TMPRSS11B: variants seen among roughly 807,000 people sequenced by gnomAD.
The protein encoded by TMPRSS11B is transmembrane serine protease 11B, also known as transmembrane protease serine 11B.
In TMPRSS11B, 53 loss-of-function variants were observed where a neutral mutation model predicts 44.7. The ratio of observed to expected loss-of-function variants is 1.19; its 90% CI spans 0.95 to 1.49. TMPRSS11B has a LOEUF of 1.49. Ranked by LOEUF, TMPRSS11B falls within the 40% of genes most tolerant of loss-of-function variation. TMPRSS11B has a pLI of 0.00. For synonymous variants in TMPRSS11B, 140 were observed against 159.2 expected, an observed-to-expected ratio of 0.88 and a Z score of 0.91; for missense variants, 526 against 494.8, an observed-to-expected ratio of 1.06 and a Z score of -0.60.
At chr4:68,237,753 T>C (rs1240070534) in intron 2 of TMPRSS11B, among the ~76,000 whole-genome samples, 2 of 152,188 alleles carry the variant, frequency 1.3e-5, no homozygotes, top group Non-Finnish European at 2.9e-5. Context: ...CAGTGGATTA[T>C]GCCTATAGTC....
Position 68,226,753 on chromosome 4 carries a change from C to A in TMPRSS11B, c.*1158G>T, listed in dbSNP as rs1719362698. On this transcript the variant is annotated 3_prime_UTR_variant, in exon 10 of 10. Transcript: ENST00000332644. Reference sequence around the variant, plus strand: ...TAAGGTAAATTATTTGTAGAGATTACAAAGTTAGCCATCCATATGATTGCA... The same window carrying A: ...TAAGGTAAATTATTTGTAGAGATTAAAAAGTTAGCCATCCATATGATTGCA... 1 of 152,174 alleles carries A rather than the reference C, an allele frequency of 6.6e-6. No individual in the cohort carries two copies. The highest frequency in any genetic ancestry group is 2.1e-4 in the South Asian group (1 of 4,828). The allele number at this position is 152,174 out of a possible 1,614,324, so 9.4% of individuals were successfully genotyped here.
rs1719653655 is a variant in TMPRSS11B at position 68,236,023 on chromosome 4, T to C, written c.287A>G (p.Lys96Arg). 6.3e-7 allele frequency: 1 copy of C among 1,581,864 alleles called. No homozygotes were observed. Among genetic ancestry groups the C allele is most frequent in the Non-Finnish European group, 8.6e-7 (1 of 1,166,704 alleles). Residue 96 changes from lysine (K) to arginine (R), a missense_variant, in exon 4 of 10, where the codon AAA (lysine) becomes AGA (arginine). Transcript: ENST00000332644. ...QNSSIYKEYV[K>R]SEVIKLLPNA... ...TTACAGAAGTTTGATGACCTCAGAT[T>C]TGACATATTCCTTATATATACTGGA...
At chr4:68,233,742 G>A (rs1719583712) in intron 5 of TMPRSS11B, among the ~76,000 whole-genome samples, 1 of 152,006 alleles carries the variant, frequency 6.6e-6, no homozygotes, top group South Asian at 2.1e-4. Context: ...TATTACTCCA[G>A]TTTTTTCACA....
rs763713605 is a variant in TMPRSS11B at position 68,227,958 on chromosome 4, G to A, written c.1204C>T (p.Arg402Ter). The A allele has an allele frequency of 2.1e-5, 34 of 1,612,972 alleles. 2 individuals carry two copies. The South Asian group carries it at 2.6e-4, about 13-fold the overall frequency. Residue 402 changes from arginine to a stop codon, truncating the protein, a stop_gained, in exon 10 of 10, where the codon CGA becomes TGA. Coordinates refer to ENST00000332644, the MANE Select transcript of TMPRSS11B (RefSeq NM_182502.3). LOFTEE classifies it high-confidence loss of function. ...GKKNKPGVYT[R>*]VTSYRNWITS... ...ATCCAATTGCGATAAGAAGTCACTC[G>A]AGTATAGACACCTGGCTTATTCTTT...
At position 68,228,780 on chromosome 4, in the gene TMPRSS11B, A is replaced by G. The variant is rs1719424392; in HGVS notation, c.1051T>C (p.Cys351Arg). 2 of 1,613,834 alleles carry G rather than the reference A, an allele frequency of 1.2e-6. No individual in the cohort carries two copies. The highest frequency in any genetic ancestry group is 1.7e-5 in the Admixed American group (1 of 59,978). The change falls in exon 9 of 10, where the codon TGT becomes CGT. Residue 351 changes from cysteine (C) to arginine (R), a missense_variant. By Grantham distance (180) the Cys-to-Arg change is radical. Coordinates refer to ENST00000332644, the MANE Select transcript of TMPRSS11B (RefSeq NM_182502.3). ...GCTTCTCCTGACATAAATCCAGCAC[A>G]TAACATTGTATCAGTCACAAAGCCA... ...YSGFVTDTML[C>R]AGFMSGEADA...
chr4:68,245,001 G>T (rs533305325), intron 1 of TMPRSS11B, among the ~76,000 whole-genome samples: 19 of 152,114 alleles, frequency 1.2e-4, no homozygotes, highest in Non-Finnish European at 2.6e-4. Context: ...ATGGGTAATG[G>T]CCTCTATTCT....
intron 4 of TMPRSS11B, among the ~76,000 whole-genome samples, chr4:68,235,233 C>T (rs1202974962): frequency 1.3e-5 from 2 of 152,088 alleles, no homozygotes; most frequent in Non-Finnish European, 2.9e-5. Context: ...ACTTTCAAAC[C>T]AAAGCCATAT....
chr4:68,229,571 C>T, intron 7 of TMPRSS11B, 55 bp from the exon 8 acceptor site: 2 of 1,486,618 alleles, frequency 1.3e-6, no homozygotes, highest in South Asian at 1.4e-5. Context: ...CAACACTGTT[C>T]TTAGTGGTGA....
Position 68,241,739 on chromosome 4 carries a change from G to C in TMPRSS11B, c.74C>G (p.Ala25Gly). 1 of 1,612,966 alleles carries C rather than the reference G, an allele frequency of 6.2e-7. No homozygotes were observed. ...WTTIFIFLGV[A>G]AILGVTIGLL... ...ACCAATGGTTACTCCCAAGATTGCC[G>C]CCACTCCAAGAAAAATAAAGATCGT... The change falls in exon 2 of 10, where the codon GCG becomes GGG. Residue 25 changes from alanine to glycine, a missense_variant. Transcript: ENST00000332644.
chr4:68,232,492 A>C, intron 5 of TMPRSS11B, 76 bp from the exon 6 acceptor site: 1 of 1,367,508 alleles, frequency 7.3e-7, no homozygotes, highest in Non-Finnish European at 1.0e-6. Flanking sequence ...TAAGAACATA[A>C]ATGCTAACTT....
At position 68,242,880 on chromosome 4, in the gene TMPRSS11B, G is replaced by A. The variant is rs993313178; in HGVS notation, c.9-1076C>T. Among the ~76,000 whole-genome samples, 19 of 152,126 alleles carry A rather than the reference G, an allele frequency of 1.2e-4. 1 individual carries two copies. The highest frequency in any genetic ancestry group is 4.1e-4 in the African/African-American group (17 of 41,484). Reference sequence around the variant, plus strand: ...CTGCACCTGGCCTATTTTCTATAATGTTTCTACAACAAATGTAAATTATTT... The same window carrying A: ...CTGCACCTGGCCTATTTTCTATAATATTTCTACAACAAATGTAAATTATTT... On this transcript the variant is annotated intron_variant, in intron 1 of 9. Coordinates refer to ENST00000332644, the MANE Select transcript of TMPRSS11B (RefSeq NM_182502.3).
Position 68,232,327 on chromosome 4 carries a change from G to C in TMPRSS11B, c.508+51C>G, listed in dbSNP as rs368309264. ...AGTATTTTTAATAGAAAAATAATGA[G>C]AAAATACCTGTGAGTCCATCAAATT... is the stretch of plus-strand genomic sequence containing the variant. On this transcript the variant is annotated intron_variant, in intron 6 of 9. Coordinates refer to ENST00000332644, the MANE Select transcript of TMPRSS11B (RefSeq NM_182502.3). 4.9e-5 allele frequency: 76 copies of C among 1,540,518 alleles called. No individual in the cohort carries two copies. In the African/African-American group the frequency reaches 7.8e-4, roughly 16 times the overall value.
At chr4:68,233,858 C>T (rs770209890) in intron 5 of TMPRSS11B, among the ~76,000 whole-genome samples, 5 of 151,908 alleles carry the variant, frequency 3.3e-5, no homozygotes, top group Admixed American at 2.6e-4. Flanking sequence ...GAGATCCTGA[C>T]AAAAGCAAGG....
rs756432574 is a variant in TMPRSS11B at position 68,241,793 on chromosome 4, G to C, written c.20C>G (p.Ser7Cys). Residue 7 changes from serine (S) to cysteine (C), a missense_variant, in exon 2 of 10, where the codon TCT (serine) becomes TGT (cysteine). Coordinates refer to ENST00000332644, the MANE Select transcript of TMPRSS11B (RefSeq NM_182502.3). Reference sequence around the variant, plus strand: ...CCATAGTGGCCAAGATCTTTGGGAAGATATGCCGTGCCTATGAAAGAGGAA... The same window carrying C: ...CCATAGTGGCCAAGATCTTTGGGAACATATGCCGTGCCTATGAAAGAGGAA... Reference protein sequence around the residue: MYRHGISSQRSWPLWTT... With the variant: MYRHGICSQRSWPLWTT... The C allele has an allele frequency of 6.2e-7, 1 of 1,611,994 alleles. No homozygotes were observed. Among genetic ancestry groups the C allele is most frequent in the South Asian group, 1.1e-5 (1 of 91,024 alleles).
In TMPRSS11B at chr4:68,234,565, C is replaced by G. The variant is rs1382492667; in HGVS notation, c.367G>C (p.Glu123Gln). 2 of 1,613,916 alleles carry G rather than the reference C, an allele frequency of 1.2e-6. No homozygotes were observed. The highest frequency in any genetic ancestry group is 1.7e-6 in the Non-Finnish European group (2 of 1,179,946). Residue 123 changes from glutamate (E) to glutamine (Q), a missense_variant, in exon 5 of 10, where the codon GAA becomes CAA. Glu to Gln is a conservative substitution (Grantham distance 29). Transcript: ENST00000332644. ...ATTTTAGTCCTCATGCTAACTCCTT[C>G]TGCTGGAGGAAACTTGAATTTCAGC... ...LQLKFKFPPA[E>Q]GVSMRTKIKA...
rs191372067 is a variant in TMPRSS11B at position 68,230,074 on chromosome 4, T to C, written c.687-558A>G. Among the ~76,000 whole-genome samples the C allele has an allele frequency of 3.6e-3, 550 of 152,310 alleles. 3 individuals are homozygous for C. Among genetic ancestry groups the C allele is most frequent in the African/African-American group, 0.011 (440 of 41,576 alleles). On this transcript the variant is annotated intron_variant, in intron 7 of 9. Transcript: ENST00000332644. ...GGATAATAGCCTGCAACTGCATCCA[T>C]GTTCCTGCAAAGGCCATGATTTTAT...
At chr4:68,228,218 T>TA in intron 9 of TMPRSS11B, 146 bp from the exon 10 acceptor site, 1 of 735,158 alleles carries the variant, frequency 1.4e-6, no homozygotes, top group Non-Finnish European at 2.1e-6. Flanking sequence ...GACTTTTTTT[T>TA]AAAACACAAG....
intron 2 of TMPRSS11B, among the ~76,000 whole-genome samples, chr4:68,240,923 T>G (rs1440125342): frequency 2.6e-5 from 4 of 152,162 alleles, no homozygotes; most frequent in African/African-American, 9.7e-5. Flanking sequence ...AATTAAACTA[T>G]TAAGTATATT....
chr4:68,241,664 A>G (rs1719825301), intron 2 of TMPRSS11B, 25 bp downstream of exon 2: 3 of 1,409,710 alleles, frequency 2.1e-6, no homozygotes, highest in South Asian at 1.2e-5. Context: ...AGCAAGGATG[A>G]AAACTGAAAA....
Sources: gnomAD v4.1 joint callset for allele counts (sites outside exome capture counted in the v4.1 genomes callset) on GRCh38, gnomAD v4.1.1 for gene constraint, MANE v1.5 for transcripts, NCBI Gene and HGNC (gene_info 2026-07-23, HGNC 2026-07-21) for gene names.